Variants in SPHKAP observed in about 807,000 individuals in gnomAD.
The protein encoded by SPHKAP is SPHK1 interactor, AKAP domain containing, also known as A-kinase anchor protein SPHKAP.
Under a neutral mutation model 137.5 loss-of-function variants are expected in SPHKAP, and 67 were observed. The ratio of observed to expected loss-of-function variants is 0.49; its 90% CI spans 0.40 to 0.60. The LOEUF (loss-of-function observed/expected upper bound fraction) is 0.60, where lower values mean the gene tolerates loss of function less well. Ranked by LOEUF, SPHKAP falls within the 20% of genes least tolerant of loss-of-function variation. The probability of loss-of-function intolerance (pLI) is 0.00; values close to 1 mark genes in which losing one functional copy is unlikely to be tolerated. For synonymous variants in SPHKAP, 813 were observed against 785.3 expected (o/e 1.04, Z -0.59); for missense variants, 2,097 against 2,069.3 (o/e 1.01, Z -0.26).
chr2:228,048,481 G>C (rs929026536), intron 3 of SPHKAP, among the ~76,000 whole-genome samples: 33 of 152,058 alleles, frequency 2.2e-4, no homozygotes, highest in African/African-American at 7.7e-4. Flanking sequence ...TTATCATGTA[G>C]AACTGTTTCT....
At chr2:228,055,583 A>C (rs1359924914) in intron 3 of SPHKAP, among the ~76,000 whole-genome samples, 3 of 152,152 alleles carry the variant, frequency 2.0e-5, no homozygotes, top group Non-Finnish European at 4.4e-5. Flanking sequence ...CACCATGACT[A>C]TAGAAAGTAT....
chr2:228,116,358 C>T (rs1048616802), intron 2 of SPHKAP, among the ~76,000 whole-genome samples: 1 of 152,114 alleles, frequency 6.6e-6, no homozygotes, highest in South Asian at 2.1e-4. Flanking sequence ...CATTATTTAA[C>T]TGTTCAACGC....
At chr2:228,064,997 A>T (rs1403367815) in intron 3 of SPHKAP, among the ~76,000 whole-genome samples, 1 of 152,222 alleles carries the variant, frequency 6.6e-6, no homozygotes. Context: ...AACAAAAAGC[A>T]CATTCATTTA....
intron 7 of SPHKAP, among the ~76,000 whole-genome samples, chr2:228,015,099 T>A (rs1288540250): frequency 8.5e-6 from 1 of 117,026 alleles, no homozygotes; most frequent in East Asian, 3.0e-4. Context: ...GTCCCCAGAG[T>A]GTGATGTTCC....
At chr2:228,013,937 C>T (rs2106202438) in intron 7 of SPHKAP, among the ~76,000 whole-genome samples, 1 of 152,236 alleles carries the variant, frequency 6.6e-6, no homozygotes, top group Admixed American at 6.5e-5. Flanking sequence ...TGGTGGAAAA[C>T]CAAACCAGAA....
At chr2:228,097,438 T>G (rs1021301583) in intron 3 of SPHKAP, among the ~76,000 whole-genome samples, 1 of 152,330 alleles carries the variant, frequency 6.6e-6, no homozygotes, top group Non-Finnish European at 1.5e-5. Context: ...TTGGGGACCC[T>G]GGGACATGCA....
intron 3 of SPHKAP, among the ~76,000 whole-genome samples, chr2:228,102,257 A>G (rs891977761): frequency 1.3e-5 from 2 of 151,932 alleles, no homozygotes; most frequent in East Asian, 3.9e-4. Context: ...TTTTTTTTTA[A>G]ACACACTTGT....
chr2:228,029,155 G>T (rs1386696626), intron 3 of SPHKAP, among the ~76,000 whole-genome samples: 1 of 151,906 alleles, frequency 6.6e-6, no homozygotes, highest in African/African-American at 2.4e-5. Context: ...TGCAAATGAG[G>T]TTCTCTAATA....
At position 228,016,664 on chromosome 2, in the gene SPHKAP, C is replaced by T. The variant is rs773668965; in HGVS notation, c.4190G>A (p.Ser1397Asn). The T allele has an allele frequency of 6.2e-7, 1 of 1,614,066 alleles. No individual in the cohort carries two copies. Among genetic ancestry groups the T allele is most frequent in the South Asian group, 1.1e-5 (1 of 91,080 alleles). Residue 1397 changes from serine (S) to asparagine (N), a missense_variant, in exon 7 of 12, where the codon AGC becomes AAC. Physicochemically the swap from Ser to Asn is conservative, Grantham distance 46. Coordinates refer to ENST00000392056, the MANE Select transcript of SPHKAP (RefSeq NM_001142644.2). ...AGTTTCTTTTTTAGAATCTAAAGGG[C>T]TGTGGTTTGTAAGAGAAGCAGTTTT... The part of the protein sequence containing the change: ...LSKTASLTNH[S>N]PLDSKKETSS...
rs75351210 is a variant in SPHKAP, at chr2:228,118,011, C to T, written c.139-9072G>A. On this transcript the variant is annotated intron_variant, in intron 2 of 11. Transcript: ENST00000392056. ...CTAATTTATTGATCTGATTTGTATCCCTACACAATATTATAGCTTTATTCT... is the reference window on the plus strand; with the variant it reads ...CTAATTTATTGATCTGATTTGTATCTCTACACAATATTATAGCTTTATTCT... 8.0e-4 allele frequency among the ~76,000 whole-genome samples: 121 copies of T among 151,878 alleles called. 1 individual carries two copies. The East Asian group carries it at 0.02, about 26-fold the overall frequency.
chr2:228,065,430 A>C (rs565147376), intron 3 of SPHKAP, among the ~76,000 whole-genome samples: 34 of 152,326 alleles, frequency 2.2e-4, no homozygotes, highest in South Asian at 8.3e-4. Context: ...GGCAAAGAGC[A>C]GTTTCTATGG....
chr2:228,105,188 T>C (rs998066428), intron 3 of SPHKAP, among the ~76,000 whole-genome samples: 1 of 152,186 alleles, frequency 6.6e-6, no homozygotes, highest in African/African-American at 2.4e-5. Context: ...AAGCTGCTCT[T>C]GAACTCTTGC....
chr2:227,990,024 G>C (rs374120452), intron 11 of SPHKAP, among the ~76,000 whole-genome samples: 1 of 152,172 alleles, frequency 6.6e-6, no homozygotes, highest in Non-Finnish European at 1.5e-5. Flanking sequence ...AGAGAATGTA[G>C]GTGGCCTCTG....
chr2:228,011,226 T>A (rs1271773033), intron 7 of SPHKAP, among the ~76,000 whole-genome samples: 2 of 95,276 alleles, frequency 2.1e-5, no homozygotes, highest in East Asian at 6.0e-4. Flanking sequence ...CCCTCAAAGA[T>A]GCCTTTTTTT....
chr2:228,146,728 C>T (rs774306687), intron 1 of SPHKAP, among the ~76,000 whole-genome samples: 5 of 152,310 alleles, frequency 3.3e-5, no homozygotes, highest in East Asian at 1.9e-4. Flanking sequence ...GCAAAAGACA[C>T]GACCTTGTTC....
intron 11 of SPHKAP, among the ~76,000 whole-genome samples, chr2:227,989,055 TGGA>T (rs1307878328): frequency 1.3e-5 from 2 of 152,158 alleles, no homozygotes; most frequent in Non-Finnish European, 2.9e-5. Context: ...GTCGATCCCA[TGGA>T]CTAGTGATGC....
At chr2:228,171,149 A>G (rs149421938) in intron 1 of SPHKAP, among the ~76,000 whole-genome samples, 14 of 152,320 alleles carry the variant, frequency 9.2e-5, no homozygotes, top group Non-Finnish European at 1.2e-4. Flanking sequence ...TTTCTGTACC[A>G]GAACATTTCA....
rs1694693284 is a variant in SPHKAP at position 228,018,373 on chromosome 2, T to C, written c.2481A>G (p.Thr827=). 6 of 1,614,096 alleles carry C rather than the reference T, an allele frequency of 3.7e-6. No homozygotes were observed. In the Admixed American group the frequency reaches 1.0e-4, roughly 27 times the overall value. Residue 827 remains threonine, a synonymous_variant, in exon 7 of 12, where the codon ACA becomes ACG. Coordinates refer to ENST00000392056, the MANE Select transcript of SPHKAP (RefSeq NM_001142644.2). Reference sequence around the variant, plus strand: ...TCAGATATATTTCCTTGGAGGATGTTGTAGCAGTTGAAGAATCGGGCACTC... The same window carrying C: ...TCAGATATATTTCCTTGGAGGATGTCGTAGCAGTTGAAGAATCGGGCACTC... ...SHRVPDSSTA[T]TSSKEIYLKG...
At chr2:228,060,776 G>C (rs763389275) in intron 3 of SPHKAP, among the ~76,000 whole-genome samples, 1 of 152,210 alleles carries the variant, frequency 6.6e-6, no homozygotes, top group Non-Finnish European at 1.5e-5. Flanking sequence ...GGCTGACATG[G>C]AGAGGCAGAG....
Sources: allele counts gnomAD v4.1 joint callset (sites outside exome capture counted in the v4.1 genomes callset), GRCh38; gene constraint gnomAD v4.1.1; transcripts MANE v1.5; gene names NCBI Gene and HGNC (gene_info 2026-07-23, HGNC 2026-07-21).